Variants in TASP1 observed in about 807,000 individuals in gnomAD.
TASP1 encodes taspase 1, also known as threonine aspartase 1.
TASP1 carries 16 observed loss-of-function variants against 56.6 expected under a neutral mutation model. That is an observed-to-expected ratio of 0.28 (90% CI 0.19 to 0.43). TASP1 has a LOEUF of 0.43. Among genes scored for constraint, TASP1 ranks in the 20% least tolerant of loss-of-function variants. The probability of loss-of-function intolerance (pLI) is 1.00; values close to 1 mark genes in which losing one functional copy is unlikely to be tolerated. For missense variants in TASP1, 393 were observed against 511.6 expected, an observed-to-expected ratio of 0.77 and a Z score of 2.24; for synonymous variants, 179 against 184.2, an observed-to-expected ratio of 0.97 and a Z score of 0.23.
At chr20:13,626,906 C>A (rs540888777) in intron 2 of TASP1, among the ~76,000 whole-genome samples, 3 of 118,532 alleles carry the variant, frequency 2.5e-5, no homozygotes, top group East Asian at 5.8e-4. Flanking sequence ...CAGAGCCCCC[C>A]CCCCACCCCG....
chr20:13,581,530 G>A (rs1403553837), intron 5 of TASP1, among the ~76,000 whole-genome samples: 3 of 152,310 alleles, frequency 2.0e-5, no homozygotes, highest in African/African-American at 7.2e-5. Context: ...ATTGGGTAAG[G>A]GTGGGAGAAG....
At chr20:13,462,498 T>G (rs1039890576) in intron 11 of TASP1, among the ~76,000 whole-genome samples, 1 of 152,146 alleles carries the variant, frequency 6.6e-6, no homozygotes, top group Non-Finnish European at 1.5e-5. Flanking sequence ...CTAAGCATGG[T>G]AAAAAGGAAT....
chr20:13,321,267 A>AAAAAAAAAAAAAAAAAAAAAC, the TASP1 span, among the ~76,000 whole-genome samples: 1 of 151,088 alleles, frequency 6.6e-6, no homozygotes, highest in African/African-American at 2.4e-5. Flanking sequence ...AAAAAAAAAA[A>AAAAAAAAAAAAAAAAAAAAAC]AAAAAAAAAG....
the TASP1 span, among the ~76,000 whole-genome samples, chr20:13,377,673 G>A: frequency 6.6e-6 from 1 of 152,192 alleles, no homozygotes; most frequent in Non-Finnish European, 1.5e-5. Flanking sequence ...TATATCTCTG[G>A]TAGAATTCAG....
intron 1 of TASP1, among the ~76,000 whole-genome samples, chr20:13,636,455 C>A (rs867614861): frequency 6.6e-6 from 1 of 151,768 alleles, no homozygotes; most frequent in Non-Finnish European, 1.5e-5. Context: ...CCACCACACC[C>A]AGCCTTGTGT....
chr20:13,126,584 A>G, the TASP1 span: 5 of 1,613,024 alleles, frequency 3.1e-6, no homozygotes, highest in Non-Finnish European at 4.2e-6. Flanking sequence ...TCCCCTCTTT[A>G]TTTAAGGACC....
chr20:13,300,324 G>C, the TASP1 span: 11 of 151,808 alleles, frequency 7.2e-5, no homozygotes, highest in Admixed American at 7.2e-4. Context: ...AAACAAATGG[G>C]AAAAAGATAA....
chr20:13,216,510 A>C, the TASP1 span, among the ~76,000 whole-genome samples: 1 of 152,114 alleles, frequency 6.6e-6, no homozygotes, highest in Non-Finnish European at 1.5e-5. Context: ...CTGGTTTCCC[A>C]CTGCAACACC....
the TASP1 span, among the ~76,000 whole-genome samples, chr20:13,145,657 A>G: frequency 2.0e-5 from 3 of 152,364 alleles, no homozygotes; most frequent in East Asian, 5.8e-4. Context: ...TTCATATGGA[A>G]CCAAAAAAGA....
intron 9 of TASP1, among the ~76,000 whole-genome samples, chr20:13,530,941 TATC>T (rs1170902816): frequency 6.6e-6 from 1 of 152,182 alleles, no homozygotes; most frequent in African/African-American, 2.4e-5. Flanking sequence ...TTAAAGCTAT[TATC>T]ATGCAGTAAA....
At chr20:13,263,411 C>T in the TASP1 span, among the ~76,000 whole-genome samples, 7 of 152,100 alleles carry the variant, frequency 4.6e-5, no homozygotes. Context: ...AAGTGTGCCC[C>T]TTCTAGAAAG....
intron 5 of TASP1, among the ~76,000 whole-genome samples, chr20:13,585,256 T>A (rs1459958926): frequency 6.6e-6 from 1 of 152,140 alleles, no homozygotes; most frequent in Non-Finnish European, 1.5e-5. Flanking sequence ...ACAATAAAAT[T>A]ACAGAAAGAA....
the TASP1 span, among the ~76,000 whole-genome samples, chr20:13,198,790 TTGTCTTTC>T: frequency 6.7e-6 from 1 of 148,954 alleles, no homozygotes; most frequent in Admixed American, 6.7e-5. Flanking sequence ...CTTTCTTTCT[TTGTCTTTC>T]TTTCTTTCTT....
the TASP1 span, among the ~76,000 whole-genome samples, chr20:13,320,631 C>G: frequency 6.6e-6 from 1 of 152,204 alleles, no homozygotes; most frequent in East Asian, 1.9e-4. Flanking sequence ...AAGCTTATTG[C>G]TCTCTCATTA....
chr20:13,124,251 C>A, the TASP1 span, among the ~76,000 whole-genome samples: 1 of 151,980 alleles, frequency 6.6e-6, no homozygotes, highest in Non-Finnish European at 1.5e-5. Context: ...CCTGGACTCC[C>A]ACACATGTCT....
At chr20:13,358,416 C>T in the TASP1 span, among the ~76,000 whole-genome samples, 3 of 152,200 alleles carry the variant, frequency 2.0e-5, no homozygotes, top group South Asian at 4.1e-4. Context: ...GAGAAAGATC[C>T]ACCTATGACC....
chr20:13,360,303 G>A, the TASP1 span, among the ~76,000 whole-genome samples: 11 of 149,936 alleles, frequency 7.3e-5, no homozygotes, highest in Admixed American at 2.0e-4. Context: ...TACCTAGGCT[G>A]TACTGCCGCA....
the TASP1 span, among the ~76,000 whole-genome samples, chr20:13,321,540 T>A: frequency 1.3e-5 from 2 of 152,128 alleles, no homozygotes; most frequent in Non-Finnish European, 2.9e-5. Context: ...AACATAATCC[T>A]TCCTCTGTCT....
the TASP1 span, among the ~76,000 whole-genome samples, chr20:13,188,052 C>T: frequency 6.6e-6 from 1 of 152,080 alleles, no homozygotes; most frequent in Non-Finnish European, 1.5e-5. Context: ...AGCTAGCTTG[C>T]CCTATTTCCT....
Sources: gnomAD v4.1 joint callset for allele counts (sites outside exome capture counted in the v4.1 genomes callset) on GRCh38, gnomAD v4.1.1 for gene constraint, MANE v1.5 for transcripts, NCBI Gene and HGNC (gene_info 2026-07-23, HGNC 2026-07-21) for gene names.